FAM135B: variants seen among roughly 807,000 people sequenced by gnomAD.
FAM135B encodes the protein family with sequence similarity 135 member B.
A neutral mutation model predicts 127.7 loss-of-function variants in FAM135B; 43 were observed. That is an observed-to-expected ratio of 0.34 (90% confidence interval 0.26 to 0.43). The LOEUF (loss-of-function observed/expected upper bound fraction) is 0.43. Among genes scored for constraint, FAM135B ranks in the 20% least tolerant of loss-of-function variants. FAM135B has a pLI of 1.00. For missense variants in FAM135B, 1,558 were observed against 1,725.6 expected (o/e 0.90, Z 1.72); for synonymous variants, 670 against 665.1 (o/e 1.01, Z -0.11).
intron 2 of FAM135B, among the ~76,000 whole-genome samples, chr8:138,365,503 A>G (rs1563939050): frequency 6.6e-6 from 1 of 152,194 alleles, no homozygotes; most frequent in Admixed American, 6.5e-5. Context: ...CTATATATCA[A>G]ATAGTTTTTA....
intron 7 of FAM135B, among the ~76,000 whole-genome samples, chr8:138,199,053 C>G (rs1816895963): frequency 6.6e-6 from 1 of 152,136 alleles, no homozygotes; most frequent in Non-Finnish European, 1.5e-5. Flanking sequence ...GTCTGCACAG[C>G]CAATGACTGG....
chr8:138,208,284 A>AC (rs1423589729), intron 7 of FAM135B, among the ~76,000 whole-genome samples: 1 of 152,206 alleles, frequency 6.6e-6, no homozygotes, highest in African/African-American at 2.4e-5. Context: ...GATTCTAAAA[A>AC]TTAAAAAAAG....
At chr8:138,391,230 G>T (rs191752182) in intron 1 of FAM135B, among the ~76,000 whole-genome samples, 195 of 152,070 alleles carry the variant, frequency 1.3e-3, no homozygotes, top group African/African-American at 4.3e-3. Context: ...AGGGTGGCAG[G>T]CCCCTCTGCT....
At chr8:138,470,997 G>A (rs971259010) in intron 1 of FAM135B, among the ~76,000 whole-genome samples, 1 of 152,192 alleles carries the variant, frequency 6.6e-6, no homozygotes, top group African/African-American at 2.4e-5. Flanking sequence ...CCACTGTTTT[G>A]GGAAAGCACT....
chr8:138,495,884 G>A (rs376166422), intron 1 of FAM135B, among the ~76,000 whole-genome samples: 58 of 152,276 alleles, frequency 3.8e-4, no homozygotes, highest in African/African-American at 1.3e-3. Flanking sequence ...GTCTCCAGCT[G>A]TCTGAAAGCG....
chr8:138,492,200 G>A (rs943644934), intron 1 of FAM135B, among the ~76,000 whole-genome samples: 2 of 152,048 alleles, frequency 1.3e-5, no homozygotes, highest in Non-Finnish European at 2.9e-5. Flanking sequence ...CTCACGGTGG[G>A]AGGATGGAAA....
chr8:138,392,674 T>C (rs1433895479), intron 1 of FAM135B, among the ~76,000 whole-genome samples: 1 of 152,220 alleles, frequency 6.6e-6, no homozygotes, highest in Non-Finnish European at 1.5e-5. Flanking sequence ...CTTAGACAAG[T>C]AACTTAGTGT....
intron 4 of FAM135B, 126 bp downstream of exon 4, chr8:138,265,577 G>A: frequency 9.7e-7 from 1 of 1,034,904 alleles, no homozygotes; most frequent in South Asian, 1.6e-5. Flanking sequence ...TGCACTAAAA[G>A]CACTAATCTC....
chr8:138,226,184 T>TGTGC lies in FAM135B; in HGVS notation c.669+16757_669+16758insGCAC. Among the ~76,000 whole-genome samples the TGTGC allele has an allele frequency of 7.2e-3, 1,003 of 139,260 alleles. 8 individuals carry two copies. The highest frequency in any genetic ancestry group is 0.024 in the African/African-American group (876 of 37,270). The allele number at this position is 139,260 out of a possible 152,430, so 91.4% of individuals were successfully genotyped here. A position where few individuals can be genotyped will look rare whatever the true frequency, so the allele number is the denominator to read the frequency against. On this transcript the variant is annotated intron_variant, in intron 7 of 19. Transcript: ENST00000395297. ...GTGTGTGTGTGTGTGTGTGTGTGTG[T>TGTGC]GCGCGCATGTCATTTTTTTTTTCAT...
intron 3 of FAM135B, among the ~76,000 whole-genome samples, chr8:138,285,223 C>T (rs1215837571): frequency 9.5e-5 from 14 of 147,088 alleles, no homozygotes; most frequent in African/African-American, 2.0e-4. Context: ...CTCGACTCAC[C>T]GCAACCTCTG....
intron 8 of FAM135B, among the ~76,000 whole-genome samples, chr8:138,197,075 A>ATGTG (rs6150843): frequency 1.2e-3 from 155 of 132,456 alleles, no homozygotes; most frequent in Non-Finnish European, 1.7e-3. Context: ...ATGTATGCAT[A>ATGTG]TGTGTGTGTG....
At chr8:138,331,069 C>T (rs1169224108) in intron 2 of FAM135B, among the ~76,000 whole-genome samples, 1 of 152,002 alleles carries the variant, frequency 6.6e-6, no homozygotes, top group Non-Finnish European at 1.5e-5. Context: ...CTTGAACTCC[C>T]GACTTCAGGT....
chr8:138,308,138 A>C (rs984314919), intron 3 of FAM135B, among the ~76,000 whole-genome samples: 4 of 152,052 alleles, frequency 2.6e-5, no homozygotes, highest in African/African-American at 9.7e-5. Flanking sequence ...AGTGGCCTGG[A>C]ATCCTCTTCA....
rs2130766782 is a variant in FAM135B at position 138,152,367 on chromosome 8, C to G, written c.2108G>C (p.Arg703Thr). ...SSVAWSEARSRALELPSDREV... is the reference protein window; with the variant it reads ...SSVAWSEARSTALELPSDREV... ...CCGATCACTGGGCAACTCCAGAGCC[C>G]TGCTTCGGGCCTCTGACCAGGCGAC... The change falls in exon 13 of 20, where the codon AGG becomes ACG. Residue 703 changes from arginine (R) to threonine (T), a missense_variant. Around this residue, in one of 5 missense-constraint regions of FAM135B, gnomAD observed 923 missense variants for 865.3 expected, o/e 1.07. Transcript: ENST00000395297. The G allele has an allele frequency of 6.2e-7, 1 of 1,614,184 alleles. No individual in the cohort carries two copies. The highest frequency in any genetic ancestry group is 1.1e-5 in the South Asian group (1 of 91,090).
At chr8:138,187,491 C>A (rs1434820950) in intron 9 of FAM135B, among the ~76,000 whole-genome samples, 1 of 152,180 alleles carries the variant, frequency 6.6e-6, no homozygotes, top group Non-Finnish European at 1.5e-5. Context: ...CCTCCCATAA[C>A]CTGGTTTGCC....
chr8:138,182,405 C>T (rs944703505), intron 9 of FAM135B, among the ~76,000 whole-genome samples: 6 of 152,228 alleles, frequency 3.9e-5, no homozygotes, highest in African/African-American at 1.4e-4. Flanking sequence ...AGCTGAAACT[C>T]CCTGAAAAAA....
intron 9 of FAM135B, among the ~76,000 whole-genome samples, chr8:138,181,965 G>A (rs1815081113): frequency 6.6e-6 from 1 of 152,064 alleles, no homozygotes; most frequent in Admixed American, 6.6e-5. Flanking sequence ...TAGAGAGTGA[G>A]GGTCAGTGAC....
chr8:138,324,271 C>T (rs895393091), intron 2 of FAM135B, among the ~76,000 whole-genome samples: 2 of 152,186 alleles, frequency 1.3e-5, no homozygotes, highest in Admixed American at 1.3e-4. Context: ...TTTCAAACTC[C>T]TGCAGTCACA....
rs770037323 is a variant in FAM135B at position 138,151,517 on chromosome 8, G to A, written c.2958C>T (p.Cys986=). The A allele has an allele frequency of 6.2e-7, 1 of 1,614,206 alleles. No homozygotes were observed. The highest frequency in any genetic ancestry group is 1.1e-5 in the South Asian group (1 of 91,082). ...AATGAACGGAATGGGTCACAGTGGG[G>A]CACACAGTGCCTGCTTTATGTTTAG... ...PEAKHKAGTV[C]PTVTHSVHSQ... Residue 986 remains cysteine, a synonymous_variant, in exon 13 of 20, where the codon TGC becomes TGT. Coordinates refer to ENST00000395297, the MANE Select transcript of FAM135B (RefSeq NM_015912.4).
Sources: gnomAD v4.1 joint callset for allele counts (sites outside exome capture counted in the v4.1 genomes callset) on GRCh38, gnomAD v4.1.1 for gene constraint, gnomAD v4.1.1 regional missense constraint, MANE v1.5 for transcripts, NCBI Gene and HGNC (gene_info 2026-07-23, HGNC 2026-07-21) for gene names.